BEST3: variants seen among roughly 807,000 people sequenced by gnomAD.
BEST3 encodes bestrophin 3.
Under a neutral mutation model 47.1 loss-of-function variants are expected in BEST3, and 50 were observed. The ratio of observed to expected loss-of-function variants is 1.06; its 90% CI spans 0.85 to 1.34. The LOEUF is 1.34. Ranked by LOEUF, BEST3 falls within the 40% of genes most tolerant of loss-of-function variation. The pLI is 0.00. For missense variants in BEST3, 765 were observed against 817.0 expected (o/e 0.94, Z 0.78); for synonymous variants, 282 against 298.8 (o/e 0.94, Z 0.58).
chr12:69,643,560 A>G, exon 10 of BEST3: 1 of 515,546 alleles, frequency 1.9e-6, no homozygotes, highest in Non-Finnish European at 3.6e-6. Flanking sequence ...GCATTAATAA[A>G]GTGCATTTCT....
At chr12:69,645,550 A>T (rs550268414) in intron 9 of BEST3, among the ~76,000 whole-genome samples, 2 of 152,230 alleles carry the variant, frequency 1.3e-5, no homozygotes, top group African/African-American at 2.4e-5. Context: ...TGCTGCAAAC[A>T]TAACTTTCTA....
At position 69,647,031 on chromosome 12, in the gene BEST3, G is replaced by C. The variant is rs528166092; in HGVS notation, c.1101-3244C>G. On this transcript the variant is annotated intron_variant, in intron 9 of 9. Transcript: ENST00000331471. The stretch of plus-strand genomic sequence containing the variant: ...TCTAAGGACAGAACCAAGGAGGGCA[G>C]TAAACACTCAGTATTCACCCATCTT... 2.0e-5 allele frequency among the ~76,000 whole-genome samples: 3 copies of C among 152,310 alleles called. No individual in the cohort carries two copies. The East Asian group carries it at 5.8e-4, about 29-fold the overall frequency.
At chr12:69,652,061 G>A (rs11177771), downstream of BEST3, among the ~76,000 whole-genome samples, 1 of 152,028 alleles carries the variant, frequency 6.6e-6, no homozygotes, top group South Asian at 2.1e-4. Context: ...TGTTTTGCTG[G>A]GTGCCAGTCA....
chr12:69,691,411 C>T (rs902657808), intron 4 of BEST3, among the ~76,000 whole-genome samples: 2 of 152,178 alleles, frequency 1.3e-5, no homozygotes, highest in Non-Finnish European at 2.9e-5. Context: ...CAAACCCTTA[C>T]TCCGTGTTCT....
At chr12:69,646,447 A>C (rs1237781888) in intron 9 of BEST3, among the ~76,000 whole-genome samples, 1 of 148,192 alleles carries the variant, frequency 6.7e-6, no homozygotes. Flanking sequence ...CATGCACCTA[A>C]TTTTTTTTTT....
chr12:69,664,181 G>C (rs1349442490), intron 9 of BEST3, among the ~76,000 whole-genome samples: 1 of 152,190 alleles, frequency 6.6e-6, no homozygotes, highest in Non-Finnish European at 1.5e-5. Context: ...CAAAGATCAA[G>C]AGACGGAACT....
rs1291115908 is a variant in BEST3 at position 69,697,632 on chromosome 12, TGTAAA to T, written c.152+10_152+14del. ...TATCTGATGGCCATTTAAGGAGACA[TGTAAA>T]GAAAAGTACCTGTATACCAAACTTA... On this transcript the variant is annotated intron_variant, in intron 2 of 9. Transcript: ENST00000330891. 2 of 1,537,790 alleles carry T rather than the reference TGTAAA, an allele frequency of 1.3e-6. No individual in the cohort carries two copies. The highest frequency in any genetic ancestry group is 1.8e-6 in the Non-Finnish European group (2 of 1,141,454).
At chr12:69,683,441 G>C (rs1885370663) in intron 4 of BEST3, 1 of 152,232 alleles carries the variant, frequency 6.6e-6, no homozygotes, top group African/African-American at 2.4e-5. Context: ...AAAGGGAAAA[G>C]TCAAGTTGGG....
chr12:69,670,576 C>A (rs1413239440), intron 9 of BEST3: 2 of 702,416 alleles, frequency 2.8e-6, no homozygotes, highest in Non-Finnish European at 2.6e-6. Context: ...GAAGCGAGAT[C>A]TCCTGAAAGT....
chr12:69,671,357 T>A, intron 9 of BEST3, 71 bp downstream of exon 9: 7 of 1,344,878 alleles, frequency 5.2e-6, no homozygotes, highest in Non-Finnish European at 7.0e-6. Flanking sequence ...TTTTTTTTTT[T>A]TTATAGAGAC....
Position 69,655,061 on chromosome 12 carries a change from A to G in BEST3, c.1853T>C (p.Leu618Ser), listed in dbSNP as rs778396901. Residue 618 changes from leucine to serine, a missense_variant, in exon 10 of 10, where the codon TTA becomes TCA. Physicochemically the swap from Leu to Ser is moderately radical, Grantham distance 145 (BLOSUM62 -2). Transcript: ENST00000330891. The part of the protein sequence containing the change: ...PDPMSSQPAL[L>S]IDTETSSEIS... ...CTCTGAGGATGTTTCTGTGTCAATT[A>G]AAAGAGCTGGCTGAGAGCTCATGGG... The G allele has an allele frequency of 3.4e-5, 55 of 1,614,080 alleles. No homozygotes were observed. In the Admixed American group the frequency reaches 9.2e-4, roughly 27 times the overall value.
rs754551299 is a variant in BEST3, at chr12:69,685,029, C to CTATTCTATTCTATTCTATTCTATTCTAT, written c.482-6137_482-6136insATAGAATAGAATAGAATAGAATAGAATA. ...CTATTCTATTCTATTCTATTCTATT[C>CTATTCTATTCTATTCTATTCTATTCTAT]TATTCTATTGTTCTCCATTCCATTC... On this transcript the variant is annotated intron_variant, in intron 4 of 9. Transcript: ENST00000330891. Among the ~76,000 whole-genome samples the CTATTCTATTCTATTCTATTCTATTCTAT allele has an allele frequency of 7.3e-3, 1,097 of 150,530 alleles. 9 individuals are homozygous for CTATTCTATTCTATTCTATTCTATTCTAT. The highest frequency in any genetic ancestry group is 0.017 in the South Asian group (81 of 4,722).
At chr12:69,681,054 C>T (rs1054620441) in intron 4 of BEST3, among the ~76,000 whole-genome samples, 3 of 151,864 alleles carry the variant, frequency 2.0e-5, no homozygotes, top group Non-Finnish European at 4.4e-5. Context: ...TGTAATGACT[C>T]TCCTGGTATT....
Position 69,655,568 on chromosome 12 carries a change from G to GT in BEST3, c.1345dup (p.Thr449AsnfsTer54), listed in dbSNP as rs1462733816. 2 of 1,614,088 alleles carry GT rather than the reference G, an allele frequency of 1.2e-6. No individual in the cohort carries two copies. Among genetic ancestry groups the GT allele is most frequent in the Non-Finnish European group, 1.7e-6 (2 of 1,180,008 alleles). ...TTCTGGGAAGCAGGATTTCTTCCAGGTGGGTGAGGCCCTGGGGGGGTTTCT... is the reference window on the plus strand; with the variant it reads ...TTCTGGGAAGCAGGATTTCTTCCAGGTTGGGTGAGGCCCTGGGGGGGTTTCT... On this transcript the variant is annotated frameshift_variant, in exon 10 of 10. Transcript: ENST00000330891. LOFTEE classifies it low-confidence loss of function (END_TRUNC).
At chr12:69,674,005 T>C (rs557065184) in intron 7 of BEST3, among the ~76,000 whole-genome samples, 2 of 152,320 alleles carry the variant, frequency 1.3e-5, no homozygotes, top group East Asian at 3.9e-4. Context: ...ACAACTCATC[T>C]ATCATTTTCC....
intron 4 of BEST3, among the ~76,000 whole-genome samples, chr12:69,679,363 T>C (rs1015028920): frequency 3.3e-5 from 5 of 152,262 alleles, no homozygotes; most frequent in African/African-American, 4.8e-5. Flanking sequence ...TACTTAATCA[T>C]GTCCTCCTCT....
downstream of BEST3, among the ~76,000 whole-genome samples, chr12:69,651,797 AAAG>A (rs1480735726): frequency 4.0e-3 from 552 of 138,122 alleles, 6 homozygotes; most frequent in East Asian, 0.014. Flanking sequence ...AAAAAAAAAA[AAAG>A]AAAGAAAAAA....
chr12:69,650,343 G>A (rs1883169778), downstream of BEST3, among the ~76,000 whole-genome samples: 1 of 152,156 alleles, frequency 6.6e-6, no homozygotes, highest in Non-Finnish European at 1.5e-5. Context: ...GGCCACATGA[G>A]TGGAAAAGCC....
At chr12:69,656,747 T>C (rs1408566603) in intron 9 of BEST3, among the ~76,000 whole-genome samples, 1 of 152,026 alleles carries the variant, frequency 6.6e-6, no homozygotes, top group Non-Finnish European at 1.5e-5. Flanking sequence ...TTAGAGCAAA[T>C]TCGGAAGTCT....
Sources: allele counts gnomAD v4.1 joint callset (sites outside exome capture counted in the v4.1 genomes callset), GRCh38; gene constraint gnomAD v4.1.1; transcripts MANE v1.5; gene names NCBI Gene and HGNC (gene_info 2026-07-23, HGNC 2026-07-21).